Variants in CMIP observed in about 807,000 individuals in gnomAD.
CMIP encodes C-Maf-inducing protein.
In CMIP, 13 loss-of-function variants were observed where a neutral mutation model predicts 97.3. The ratio of observed to expected loss-of-function variants is 0.13; its 90% CI spans 0.09 to 0.21. CMIP has a LOEUF of 0.21. CMIP is among the 10% of genes least tolerant of loss of function. The pLI is 1.00. For synonymous variants in CMIP, 538 were observed against 436.3 expected (o/e 1.23, Z -2.91); for missense variants, 847 against 1,024.9 (o/e 0.83, Z 2.37).
chr16:81,530,282 A>G (rs2090207502), intron 1 of CMIP, among the ~76,000 whole-genome samples: 1 of 152,108 alleles, frequency 6.6e-6, no homozygotes. Flanking sequence ...GGCGAATGTG[A>G]TTTGAGTAGA....
intron 1 of CMIP, among the ~76,000 whole-genome samples, chr16:81,546,669 G>A (rs991120180): frequency 3.3e-5 from 5 of 152,156 alleles, no homozygotes; most frequent in Non-Finnish European, 5.9e-5. Context: ...ATTATCGTGC[G>A]GGGTGAGAAA....
intron 3 of CMIP, chr16:81,630,848 C>G (rs2092147259): frequency 6.6e-6 from 1 of 152,326 alleles, no homozygotes; most frequent in South Asian, 2.1e-4. Context: ...TCCCCAGAGG[C>G]AGGGGGCCCA....
intron 1 of CMIP, among the ~76,000 whole-genome samples, chr16:81,575,729 G>A (rs956626329): frequency 6.6e-6 from 1 of 152,170 alleles, no homozygotes; most frequent in African/African-American, 2.4e-5. Context: ...GGAGGTGTGT[G>A]CTGGGCCCTG....
At chr16:81,467,706 G>T (rs998290812) in intron 1 of CMIP, among the ~76,000 whole-genome samples, 2 of 150,464 alleles carry the variant, frequency 1.3e-5, no homozygotes, top group Admixed American at 1.3e-4. Context: ...TCTACCTCTC[G>T]AGTAGCTGGG....
intron 18 of CMIP, among the ~76,000 whole-genome samples, chr16:81,704,342 C>T (rs1907807989): frequency 3.4e-5 from 1 of 29,026 alleles, no homozygotes; most frequent in Admixed American, 2.8e-4. Flanking sequence ...CCTGCCCCCT[C>T]ACCCTCCTCC....
At chr16:81,691,037 C>G (rs1906001073) in intron 10 of CMIP, among the ~76,000 whole-genome samples, 2 of 152,212 alleles carry the variant, frequency 1.3e-5, no homozygotes, top group African/African-American at 4.8e-5. Flanking sequence ...ATGATTCTGT[C>G]TATAGAATTT....
intron 1 of CMIP, among the ~76,000 whole-genome samples, chr16:81,605,320 G>C (rs1284837517): frequency 6.6e-6 from 1 of 152,206 alleles, no homozygotes; most frequent in African/African-American, 2.4e-5. Context: ...TCTGAGGGGT[G>C]AGCGATGCAG....
chr16:81,673,972 T>G (rs2092706072), intron 9 of CMIP, among the ~76,000 whole-genome samples: 1 of 152,200 alleles, frequency 6.6e-6, no homozygotes, highest in Non-Finnish European at 1.5e-5. Flanking sequence ...TGAAAACCTG[T>G]ACAGGGGGGA....
chr16:81,689,144 G>C (rs140936511), intron 10 of CMIP, among the ~76,000 whole-genome samples: 1 of 152,150 alleles, frequency 6.6e-6, no homozygotes, highest in Non-Finnish European at 1.5e-5. Flanking sequence ...TTATAGCAGC[G>C]TGATTTATAA....
chr16:81,695,591 G>A (rs1906619408), intron 13 of CMIP: 1 of 152,202 alleles, frequency 6.6e-6, no homozygotes, highest in African/African-American at 2.4e-5. Context: ...TGTGTTTCCT[G>A]CACGCCCTTG....
In CMIP at chr16:81,575,103, A is replaced by C. The variant is rs192280311; in HGVS notation, c.301-32464A>C. The stretch of plus-strand genomic sequence containing the variant: ...TAATATAATAACTGAGTAACTGAGC[A>C]CTTAACTTCATGCCAGCCATATGCT... On this transcript the variant is annotated intron_variant, in intron 1 of 20. Coordinates refer to ENST00000537098, the MANE Select transcript of CMIP (RefSeq NM_198390.3). Among the ~76,000 whole-genome samples the C allele has an allele frequency of 5.3e-5, 8 of 152,312 alleles. 1 individual carries two copies. In the East Asian group the frequency reaches 1.4e-3, roughly 26 times the overall value.
At chr16:81,573,230 A>G (rs1364094652) in intron 1 of CMIP, among the ~76,000 whole-genome samples, 2 of 151,912 alleles carry the variant, frequency 1.3e-5, no homozygotes, top group Admixed American at 1.3e-4. Flanking sequence ...TGTAATACCA[A>G]CTGTTCGGGA....
At chr16:81,705,707 A>G (rs1908058696) in intron 19 of CMIP, 103 bp downstream of exon 19, 1 of 705,346 alleles carries the variant, frequency 1.4e-6, no homozygotes, top group Admixed American at 2.6e-5. Context: ...ATGCACAGAT[A>G]GAGAAATTCG....
chr16:81,705,360 C>G (rs1597279525), intron 18 of CMIP, 139 bp from the exon 19 acceptor site: 1 of 617,088 alleles, frequency 1.6e-6, no homozygotes, highest in East Asian at 2.8e-5. Flanking sequence ...GTGAACGCAG[C>G]CCAGACCCCA....
At chr16:81,628,039 G>A (rs1488590395) in intron 3 of CMIP, among the ~76,000 whole-genome samples, 1 of 152,134 alleles carries the variant, frequency 6.6e-6, no homozygotes, top group African/African-American at 2.4e-5. Flanking sequence ...CAGGGGACCA[G>A]GTCAGAATGA....
At chr16:81,615,218 G>A (rs555213967) in intron 2 of CMIP, among the ~76,000 whole-genome samples, 24 of 150,526 alleles carry the variant, frequency 1.6e-4, no homozygotes, top group African/African-American at 5.1e-4. Flanking sequence ...ACTATGGTGT[G>A]TATGTGTGTA....
At chr16:81,543,547 G>A (rs1198507107) in intron 1 of CMIP, among the ~76,000 whole-genome samples, 1 of 152,062 alleles carries the variant, frequency 6.6e-6, no homozygotes, top group African/African-American at 2.4e-5. Flanking sequence ...AGGGTCGTGG[G>A]GGTAAGATCT....
chr16:81,570,277 G>T (rs1452264637), intron 1 of CMIP, among the ~76,000 whole-genome samples: 1 of 152,176 alleles, frequency 6.6e-6, no homozygotes, highest in African/African-American at 2.4e-5. Flanking sequence ...CCTTCCAAAA[G>T]CCAATCCTAG....
intron 1 of CMIP, among the ~76,000 whole-genome samples, chr16:81,606,014 C>A (rs929903853): frequency 6.6e-6 from 1 of 152,252 alleles, no homozygotes; most frequent in African/African-American, 2.4e-5. Flanking sequence ...TACCTCCACC[C>A]CCATCACCAT....
Sources: gnomAD v4.1 joint callset for allele counts (sites outside exome capture counted in the v4.1 genomes callset) on GRCh38, gnomAD v4.1.1 for gene constraint, MANE v1.5 for transcripts, NCBI Gene and HGNC (gene_info 2026-07-23, HGNC 2026-07-21) for gene names.